The following ROCK1 variants were observed in gnomAD, a reference collection of about 807,000 sequenced individuals.
ROCK1 encodes the protein Rho associated coiled-coil containing protein kinase 1.
ROCK1 carries 36 observed loss-of-function variants against 196.8 expected under a neutral mutation model. That is an observed-to-expected ratio of 0.18 (90% CI 0.14 to 0.24). ROCK1 has a LOEUF of 0.24. Ranked by LOEUF, ROCK1 falls within the 10% of genes least tolerant of loss-of-function variation. The probability of loss-of-function intolerance (pLI) is 1.00; values close to 1 mark genes in which losing one functional copy is unlikely to be tolerated. For missense variants in ROCK1, 920 were observed against 1,562.0 expected (o/e 0.59, Z 6.93); for synonymous variants, 443 against 515.9 (o/e 0.86, Z 1.91).
At chr18:20,959,040 A>AATATATATAATATATATAAT (rs1376289380) in intron 29 of ROCK1, among the ~76,000 whole-genome samples, 1 of 57,426 alleles carries the variant, frequency 1.7e-5, no homozygotes, top group African/African-American at 1.4e-4. Context: ...TATTTTATAT[A>AATATATATAATATATATAAT]ATATATAATA....
intron 1 of ROCK1, among the ~76,000 whole-genome samples, chr18:21,072,395 GAGGTTTCTAAGGGGAGTCA>G (rs1252662966): frequency 6.6e-6 from 1 of 152,184 alleles, no homozygotes; most frequent in Non-Finnish European, 1.5e-5. Context: ...TATACCAACT[GAGGTTTCTAAGGGGAGTCA>G]AGACACTGGG....
intron 32 of ROCK1, among the ~76,000 whole-genome samples, chr18:20,952,002 G>C (rs1032821009): frequency 6.6e-6 from 1 of 152,158 alleles, no homozygotes; most frequent in Non-Finnish European, 1.5e-5. Flanking sequence ...CTGTGTGATT[G>C]AGCAAACTGC....
chr18:21,087,302 A>G (rs1454111959), intron 1 of ROCK1, among the ~76,000 whole-genome samples: 2 of 152,178 alleles, frequency 1.3e-5, no homozygotes, highest in African/African-American at 2.4e-5. Context: ...AAGAAAGAAT[A>G]TAACAGCAGA....
At chr18:21,068,837 T>C (rs1385107613) in intron 2 of ROCK1, among the ~76,000 whole-genome samples, 2 of 152,224 alleles carry the variant, frequency 1.3e-5, no homozygotes, top group African/African-American at 4.8e-5. Context: ...CCTTGCTGAA[T>C]GTACTTATTA....
At chr18:20,960,010 T>C (rs1259350385) in intron 28 of ROCK1, 82 bp from the exon 29 acceptor site, 1 of 1,030,620 alleles carries the variant, frequency 9.7e-7, no homozygotes, top group Non-Finnish European at 1.5e-6. Flanking sequence ...TTGCCACTAA[T>C]ATCTAGATTA....
intron 1 of ROCK1, among the ~76,000 whole-genome samples, chr18:21,092,580 T>TTAAAAAAAAA (rs2036579841): frequency 1.2e-5 from 1 of 81,142 alleles, no homozygotes; most frequent in Non-Finnish European, 2.3e-5. Flanking sequence ...ACCTCATCTT[T>TTAAAAAAAAA]AAAAAAAAAA....
chr18:21,017,162 C>A, intron 12 of ROCK1, among the ~76,000 whole-genome samples: 1 of 151,756 alleles, frequency 6.6e-6, no homozygotes, highest in South Asian at 2.1e-4. Flanking sequence ...TTTATTCTCT[C>A]CCCAATTAAC....
rs1307150291 is a variant in ROCK1, at chr18:20,950,052, G to T, written c.*1332C>A. ...TGCTTCTTATCTGATACACATTACT[G>T]CAAAGCCATTATAAATTACTGAGGA... On this transcript the variant is annotated 3_prime_UTR_variant, in exon 33 of 33. Transcript: ENST00000399799. The T allele has an allele frequency of 6.6e-6, 1 of 152,530 alleles. No individual in the cohort carries two copies. The highest frequency in any genetic ancestry group is 2.4e-5 in the African/African-American group (1 of 41,390). 9.4% of individuals were successfully genotyped at this position (152,530 alleles called of 1,614,324 possible).
intron 9 of ROCK1, among the ~76,000 whole-genome samples, chr18:21,029,797 T>C (rs1320351431): frequency 6.6e-6 from 1 of 152,062 alleles, no homozygotes; most frequent in African/African-American, 2.4e-5. Context: ...CATCTAAAAA[T>C]AAATTCTAAG....
chr18:21,055,706 T>C (rs1311790416), intron 2 of ROCK1, among the ~76,000 whole-genome samples: 1 of 151,810 alleles, frequency 6.6e-6, no homozygotes, highest in Middle Eastern at 3.2e-3. Flanking sequence ...TCTCCCATCT[T>C]AGGGAAACAA....
intron 1 of ROCK1, among the ~76,000 whole-genome samples, chr18:21,091,140 A>G (rs2036566671): frequency 6.6e-6 from 1 of 151,778 alleles, no homozygotes; most frequent in African/African-American, 2.4e-5. Flanking sequence ...CACCCCTGAT[A>G]CAAAGACCAA....
intron 1 of ROCK1, among the ~76,000 whole-genome samples, chr18:21,082,958 A>G (rs1047856248): frequency 1.4e-4 from 21 of 152,188 alleles, no homozygotes; most frequent in African/African-American, 5.1e-4. Flanking sequence ...AAACAAAACA[A>G]AACAAAAAAA....
At chr18:21,094,640 T>G (rs531363811) in intron 1 of ROCK1, among the ~76,000 whole-genome samples, 1 of 151,138 alleles carries the variant, frequency 6.6e-6, no homozygotes, top group Non-Finnish European at 1.5e-5. Flanking sequence ...TCCCAGCTAC[T>G]CAAGAGGCTG....
At chr18:20,971,885 AGGAGGCCTC>A (rs2035432579) in intron 22 of ROCK1, among the ~76,000 whole-genome samples, 1 of 152,108 alleles carries the variant, frequency 6.6e-6, no homozygotes, top group African/African-American at 2.4e-5. Flanking sequence ...AGGTTGATCA[AGGAGGCCTC>A]TCTGCTAAGA....
At chr18:21,057,073 T>G (rs550046020) in intron 2 of ROCK1, among the ~76,000 whole-genome samples, 1 of 152,366 alleles carries the variant, frequency 6.6e-6, no homozygotes, top group African/African-American at 2.4e-5. Flanking sequence ...GACCTCTTTG[T>G]TATTCACAAA....
intron 22 of ROCK1, among the ~76,000 whole-genome samples, chr18:20,973,439 G>A (rs1171619799): frequency 5.3e-5 from 8 of 151,706 alleles, no homozygotes; most frequent in Admixed American, 1.3e-4. Context: ...CACCATGCCC[G>A]GCTAATTTTT....
chr18:21,106,793 G>A (rs2036706779), intron 1 of ROCK1, among the ~76,000 whole-genome samples: 1 of 152,116 alleles, frequency 6.6e-6, no homozygotes, highest in Non-Finnish European at 1.5e-5. Context: ...GACTATTTTA[G>A]CATTTATACA....
chr18:20,984,353 C>T lies in ROCK1; in HGVS notation c.2487G>A (p.Thr829=), dbSNP rs372187123. 1.8e-5 allele frequency: 29 copies of T among 1,594,308 alleles called. No homozygotes were observed. Among genetic ancestry groups the T allele is most frequent in the East Asian group, 9.0e-5 (4 of 44,682 alleles). Reference sequence around the variant, plus strand: ...ACAATGTTATTTTAAAGACTTACTTCGTAAGCTGAGCTAACTCAAATTCTA... The same window carrying T: ...ACAATGTTATTTTAAAGACTTACTTTGTAAGCTGAGCTAACTCAAATTCTA... ...RLLEFELAQL[T]KQYRGNEGQM... The change falls in exon 20 of 33, where the codon ACG becomes ACA. Residue 829 remains threonine (T), a splice_region_variant and synonymous_variant. Transcript: ENST00000399799.
chr18:21,082,426 A>T (rs1229639585), intron 1 of ROCK1, among the ~76,000 whole-genome samples: 1 of 152,216 alleles, frequency 6.6e-6, no homozygotes, highest in Non-Finnish European at 1.5e-5. Flanking sequence ...AGACATAAAA[A>T]TGCCCAATAA....
Sources: allele counts gnomAD v4.1 joint callset (sites outside exome capture counted in the v4.1 genomes callset), GRCh38; gene constraint gnomAD v4.1.1; transcripts MANE v1.5; gene names NCBI Gene and HGNC (gene_info 2026-07-23, HGNC 2026-07-21).